The following DLGAP1 variants were observed in gnomAD, a reference collection of about 807,000 sequenced individuals.
DLGAP1 encodes disks large-associated protein 1.
Under a neutral mutation model 90.8 loss-of-function variants are expected in DLGAP1, and 11 were observed. That is an observed-to-expected ratio of 0.12 (90% CI 0.08 to 0.20). The LOEUF is 0.20. Among genes scored for constraint, DLGAP1 ranks in the 10% least tolerant of loss-of-function variants. The pLI is 1.00. For synonymous variants in DLGAP1, 558 were observed against 540.7 expected (o/e 1.03, Z -0.44); for missense variants, 1,050 against 1,333.8 (o/e 0.79, Z 3.31).
chr18:3,693,508 G>T (rs1055046076), intron 7 of DLGAP1, among the ~76,000 whole-genome samples: 1 of 152,322 alleles, frequency 6.6e-6, no homozygotes, highest in Admixed American at 6.5e-5. Context: ...GTTAGAAAAC[G>T]GATATTAATG....
At chr18:4,350,201 T>G (rs1340425248) in intron 1 of DLGAP1, among the ~76,000 whole-genome samples, 1 of 152,174 alleles carries the variant, frequency 6.6e-6, no homozygotes, top group African/African-American at 2.4e-5. Context: ...CTATAAATGC[T>G]AATTATTCCA....
At chr18:4,224,028 T>A (rs1431441399) in intron 1 of DLGAP1, among the ~76,000 whole-genome samples, 2 of 152,046 alleles carry the variant, frequency 1.3e-5, no homozygotes, top group Non-Finnish European at 2.9e-5. Flanking sequence ...CTGAGCAGAG[T>A]CCTGAGACAC....
chr18:4,258,847 C>T (rs535598030), intron 1 of DLGAP1, among the ~76,000 whole-genome samples: 2 of 152,188 alleles, frequency 1.3e-5, no homozygotes, highest in East Asian at 3.9e-4. Flanking sequence ...TGAACAAAAG[C>T]CCTGCATGAT....
rs238113 is a variant in DLGAP1 at position 3,498,068 on chromosome 18, C to T, written c.*1117G>A. On this transcript the variant is annotated 3_prime_UTR_variant, in exon 13 of 13. Transcript: ENST00000315677. ...GAAAGGAGAAAATATATCTGAAATA[C>T]GAACTACTTGGGTTAAAATAGACGG... The T allele has an allele frequency of 0.78, 119,187 of 152,220 alleles. 46,857 individuals carry two copies. Among genetic ancestry groups the T allele is most frequent in the East Asian group, 0.95 (4,947 of 5,182 alleles). 9.4% of individuals were successfully genotyped at this position (152,220 alleles called of 1,614,324 possible).
intron 4 of DLGAP1, among the ~76,000 whole-genome samples, chr18:3,845,952 C>G (rs73374509): frequency 6.6e-6 from 1 of 151,818 alleles, no homozygotes; most frequent in Non-Finnish European, 1.5e-5. Flanking sequence ...AAGAATTAAA[C>G]GTGTTGTAGA....
intron 1 of DLGAP1, among the ~76,000 whole-genome samples, chr18:4,202,285 T>C (rs142210067): frequency 2.6e-5 from 4 of 152,294 alleles, no homozygotes; most frequent in African/African-American, 7.2e-5. Flanking sequence ...TTCTCACTTA[T>C]AGGTGTGAGC....
At chr18:3,771,838 GAAAA>G (rs36074021) in intron 5 of DLGAP1, among the ~76,000 whole-genome samples, 3 of 138,154 alleles carry the variant, frequency 2.2e-5, no homozygotes, top group Admixed American at 7.3e-5. Flanking sequence ...CCCTAGCTCT[GAAAA>G]AAAAAAAAAA....
At chr18:3,853,641 G>A (rs1296714285) in intron 4 of DLGAP1, among the ~76,000 whole-genome samples, 2 of 151,690 alleles carry the variant, frequency 1.3e-5, no homozygotes, top group East Asian at 1.9e-4. Flanking sequence ...AGGTATTCCC[G>A]TCATTAAGTG....
chr18:3,541,772 T>C (rs972186366), intron 9 of DLGAP1, among the ~76,000 whole-genome samples: 1 of 152,202 alleles, frequency 6.6e-6, no homozygotes, highest in Non-Finnish European at 1.5e-5. Context: ...GAGAAAACAA[T>C]GCTACCTTTC....
At chr18:3,568,321 T>C (rs373139154) in intron 8 of DLGAP1, among the ~76,000 whole-genome samples, 2 of 152,192 alleles carry the variant, frequency 1.3e-5, no homozygotes, top group East Asian at 3.8e-4. Context: ...CTATAGAGTG[T>C]CTTCATTTTT....
intron 4 of DLGAP1, among the ~76,000 whole-genome samples, chr18:3,827,039 AAAG>A (rs772306098): frequency 5.9e-5 from 9 of 152,170 alleles, no homozygotes; most frequent in Non-Finnish European, 1.3e-4. Context: ...GACAAGGCCT[AAAG>A]AAGGAGTAGA....
intron 4 of DLGAP1, among the ~76,000 whole-genome samples, chr18:3,872,460 G>T (rs1363839736): frequency 6.6e-6 from 1 of 151,762 alleles, no homozygotes; most frequent in Non-Finnish European, 1.5e-5. Context: ...TTTAATTTAA[G>T]AATTTGGAAA....
intron 7 of DLGAP1, among the ~76,000 whole-genome samples, chr18:3,623,776 CAAAA>C (rs56352605): frequency 1.5e-3 from 134 of 92,284 alleles, no homozygotes; most frequent in African/African-American, 2.6e-3. Context: ...GACTCCGTCT[CAAAA>C]AAAAAAAAAA....
At chr18:3,650,843 C>T (rs889849218) in intron 7 of DLGAP1, among the ~76,000 whole-genome samples, 6 of 151,914 alleles carry the variant, frequency 3.9e-5, no homozygotes, top group East Asian at 1.9e-4. Flanking sequence ...CCAAGGTGGG[C>T]GGATCATGAG....
At chr18:4,322,943 G>GAACAAAAAA (rs1568513548) in intron 1 of DLGAP1, among the ~76,000 whole-genome samples, 1 of 97,602 alleles carries the variant, frequency 1.0e-5, no homozygotes, top group Non-Finnish European at 1.9e-5. Flanking sequence ...CCTGGGCACA[G>GAACAAAAAA]AAAAAAAAAA....
intron 7 of DLGAP1, among the ~76,000 whole-genome samples, chr18:3,706,250 G>A (rs1016361962): frequency 9.9e-5 from 15 of 151,952 alleles, no homozygotes; most frequent in Admixed American, 7.9e-4. Context: ...CACCCACCTC[G>A]GCCTCCCAAA....
chr18:4,280,948 G>A (rs2079535509), intron 1 of DLGAP1: 1 of 152,062 alleles, frequency 6.6e-6, no homozygotes, highest in Admixed American at 6.6e-5. Context: ...TTTTCTTCAT[G>A]GCCTTGGTGG....
chr18:3,644,343 CAGGGATTTATCCT>C (rs1259348570), intron 7 of DLGAP1, among the ~76,000 whole-genome samples: 2 of 152,176 alleles, frequency 1.3e-5, no homozygotes, highest in African/African-American at 2.4e-5. Context: ...AACTCCACTT[CAGGGATTTATCCT>C]GAAGACATAT....
intron 1 of DLGAP1, among the ~76,000 whole-genome samples, chr18:4,266,597 T>C (rs78152665): frequency 0.025 from 3,873 of 152,320 alleles, 99 homozygotes; most frequent in African/African-American, 0.063. Context: ...AAAGTAAAAA[T>C]AATTATTTCA....
Sources: allele counts gnomAD v4.1 joint callset (sites outside exome capture counted in the v4.1 genomes callset), GRCh38; gene constraint gnomAD v4.1.1; transcripts MANE v1.5; gene names NCBI Gene and HGNC (gene_info 2026-07-23, HGNC 2026-07-21).